MAP2: variants seen among roughly 807,000 people sequenced by gnomAD.
The protein encoded by MAP2 is microtubule associated protein 2.
A neutral mutation model predicts 137.6 loss-of-function variants in MAP2; 14 were observed. That is an observed-to-expected ratio of 0.10 (90% CI 0.07 to 0.16). MAP2 has a LOEUF of 0.16. Ranked by LOEUF, MAP2 falls within the 10% of genes least tolerant of loss-of-function variation. The pLI is 1.00. For synonymous variants in MAP2, 786 were observed against 782.3 expected, an observed-to-expected ratio of 1.00 and a Z score of -0.08; for missense variants, 2,088 against 2,191.5, an observed-to-expected ratio of 0.95 and a Z score of 0.94.
chr2:209,637,153 G>A (rs2093636746), intron 4 of MAP2, among the ~76,000 whole-genome samples: 1 of 152,090 alleles, frequency 6.6e-6, no homozygotes, highest in Non-Finnish European at 1.5e-5. Context: ...AAGAAAAGGA[G>A]CAGTTCTGGC....
intron 2 of MAP2, among the ~76,000 whole-genome samples, chr2:209,523,659 A>T (rs2063594194): frequency 6.6e-6 from 1 of 152,200 alleles, no homozygotes; most frequent in African/African-American, 2.4e-5. Flanking sequence ...CTTGACAGGT[A>T]AAAAGAAATC....
Position 209,730,512 on chromosome 2 carries a change from C to A in MAP2, c.*115C>A. ...TAAACCATAAAATAAATAATCTCATCCCCAAACTGTAGTAATTGTTACAAT... is the reference window on the plus strand; with the variant it reads ...TAAACCATAAAATAAATAATCTCATACCCAAACTGTAGTAATTGTTACAAT... On this transcript the variant is annotated 3_prime_UTR_variant, in exon 16 of 16. Transcript: ENST00000682079. 1.4e-6 allele frequency: 1 copy of A among 710,374 alleles called. No homozygotes were observed. Among genetic ancestry groups the A allele is most frequent in the Admixed American group, 2.7e-5 (1 of 37,242 alleles). 44.0% of individuals were successfully genotyped at this position (710,374 alleles called of 1,614,324 possible).
intron 1 of MAP2, among the ~76,000 whole-genome samples, chr2:209,474,516 T>G (rs1706663189): frequency 6.6e-6 from 1 of 152,134 alleles, no homozygotes; most frequent in Admixed American, 6.6e-5. Flanking sequence ...TTCCATTACA[T>G]TCTAATATAA....
chr2:209,573,656 G>A (rs180715264), intron 2 of MAP2, among the ~76,000 whole-genome samples: 25 of 152,100 alleles, frequency 1.6e-4, no homozygotes, highest in African/African-American at 4.6e-4. Flanking sequence ...AAATTCACTC[G>A]TATACAATTC....
At chr2:209,452,761 T>C (rs1276842006) in intron 1 of MAP2, among the ~76,000 whole-genome samples, 4 of 152,212 alleles carry the variant, frequency 2.6e-5, no homozygotes, top group African/African-American at 9.6e-5. Flanking sequence ...CGGTTCTTTA[T>C]GCAACCTGAA....
chr2:209,509,895 A>G (rs907430580), intron 2 of MAP2, among the ~76,000 whole-genome samples: 5 of 151,932 alleles, frequency 3.3e-5, no homozygotes, highest in African/African-American at 1.2e-4. Flanking sequence ...AAGTGATGCT[A>G]TAGTTAAATT....
At chr2:209,510,711 A>T (rs1245151067) in intron 2 of MAP2, among the ~76,000 whole-genome samples, 2 of 152,088 alleles carry the variant, frequency 1.3e-5, no homozygotes, top group Non-Finnish European at 2.9e-5. Context: ...ATACTCATGG[A>T]TCATTAAAAA....
intron 2 of MAP2, among the ~76,000 whole-genome samples, chr2:209,554,521 C>A (rs1430528256): frequency 2.0e-5 from 3 of 152,142 alleles, no homozygotes; most frequent in Non-Finnish European, 4.4e-5. Context: ...GGTGCAGTGG[C>A]TTATGCCTGT....
intron 1 of MAP2, among the ~76,000 whole-genome samples, chr2:209,429,908 A>G (rs186937714): frequency 2.0e-4 from 30 of 152,102 alleles, no homozygotes; most frequent in African/African-American, 7.2e-4. Context: ...ATATGGTATC[A>G]TTTTGATTGG....
chr2:209,533,612 T>G (rs2065479451), intron 2 of MAP2, among the ~76,000 whole-genome samples: 1 of 152,188 alleles, frequency 6.6e-6, no homozygotes, highest in Admixed American at 6.5e-5. Context: ...TATGAAAAAT[T>G]TCTAAGACAT....
intron 1 of MAP2, among the ~76,000 whole-genome samples, chr2:209,446,044 G>A (rs1203376930): frequency 6.6e-6 from 1 of 151,640 alleles, no homozygotes; most frequent in African/African-American, 2.4e-5. Context: ...TTGGGTTTTG[G>A]GGGTAGTTGT....
intron 12 of MAP2, among the ~76,000 whole-genome samples, chr2:209,708,503 T>C (rs533684650): frequency 1.3e-5 from 2 of 152,238 alleles, no homozygotes; most frequent in African/African-American, 4.8e-5. Context: ...ATTTACATTT[T>C]CCATAGATTA....
At chr2:209,602,578 T>A (rs1159640620) in intron 3 of MAP2, among the ~76,000 whole-genome samples, 1 of 152,238 alleles carries the variant, frequency 6.6e-6, no homozygotes, top group Non-Finnish European at 1.5e-5. Flanking sequence ...TTTCTGTTAC[T>A]AATCTTGATC....
At chr2:209,610,925 C>T (rs1223773572) in intron 3 of MAP2, among the ~76,000 whole-genome samples, 1 of 152,014 alleles carries the variant, frequency 6.6e-6, no homozygotes. Context: ...TAATATAAAG[C>T]TTTTGTAAAA....
chr2:209,690,811 GTC>G (rs1267197552), intron 7 of MAP2: 2 of 1,287,098 alleles, frequency 1.6e-6, no homozygotes, highest in Non-Finnish European at 2.0e-6. Context: ...TCAAGGAGGT[GTC>G]TCCAGAAGTA....
chr2:209,650,209 A>T (rs1016191785), intron 4 of MAP2, among the ~76,000 whole-genome samples: 4 of 152,236 alleles, frequency 2.6e-5, no homozygotes, highest in African/African-American at 9.6e-5. Flanking sequence ...AGAGTTAAAC[A>T]TGGACTAAAG....
At chr2:209,438,621 T>C (rs1048199676) in intron 1 of MAP2, among the ~76,000 whole-genome samples, 2 of 151,550 alleles carry the variant, frequency 1.3e-5, no homozygotes, top group African/African-American at 4.8e-5. Context: ...GAGAATCTCC[T>C]CTCACCATTG....
At chr2:209,612,936 T>C (rs1000980202) in intron 3 of MAP2, among the ~76,000 whole-genome samples, 1 of 152,204 alleles carries the variant, frequency 6.6e-6, no homozygotes, top group African/African-American at 2.4e-5. Context: ...TCTGTATTCC[T>C]GGTTTTAGTG....
Position 209,694,245 on chromosome 2 carries a change from G to A in MAP2, c.2075G>A (p.Arg692Lys), listed in dbSNP as rs781117429. 6.2e-7 allele frequency: 1 copy of A among 1,614,060 alleles called. No homozygotes were observed. Among genetic ancestry groups the A allele is most frequent in the Non-Finnish European group, 8.5e-7 (1 of 1,179,998 alleles). The change falls in exon 8 of 16, where the codon AGG (arginine) becomes AAG (lysine). Residue 692 changes from arginine to lysine, a missense_variant. This residue lies in a region of MAP2 where 18 missense variants were observed against 41.6 expected (regional missense o/e 0.43). Coordinates refer to ENST00000682079, the MANE Select transcript of MAP2 (RefSeq NM_001375505.1). ...AGCAGGAGTTTAGGACTTGGTGGTA[G>A]GTCTGCAATAGAACAAAGAAGCATG... ...TLSRSLGLGG[R>K]SAIEQRSMSI...
Sources: gnomAD v4.1 joint callset for allele counts (sites outside exome capture counted in the v4.1 genomes callset) on GRCh38, gnomAD v4.1.1 for gene constraint, gnomAD v4.1.1 regional missense constraint, MANE v1.5 for transcripts, NCBI Gene and HGNC (gene_info 2026-07-23, HGNC 2026-07-21) for gene names.